Variants in ANKRD11 observed in about 807,000 individuals in gnomAD.
The protein encoded by ANKRD11 is ankyrin repeat domain-containing protein 11.
In ANKRD11, 17 loss-of-function variants were observed where a neutral mutation model predicts 195.7. The ratio of observed to expected loss-of-function variants is 0.09; its 90% CI spans 0.06 to 0.13. The LOEUF (loss-of-function observed/expected upper bound fraction) is 0.13. Among genes scored for constraint, ANKRD11 ranks in the 10% least tolerant of loss-of-function variants. The probability of loss-of-function intolerance (pLI) is 1.00; values close to 1 mark genes in which losing one functional copy is unlikely to be tolerated. For missense variants in ANKRD11, 3,735 were observed against 3,566.1 expected, an observed-to-expected ratio of 1.05 and a Z score of -1.21; for synonymous variants, 1,953 against 1,528.1, an observed-to-expected ratio of 1.28 and a Z score of -6.49.
intron 1 of ANKRD11, among the ~76,000 whole-genome samples, chr16:89,478,202 A>C (rs1276374847): frequency 6.6e-6 from 1 of 152,194 alleles, no homozygotes; most frequent in East Asian, 1.9e-4. Flanking sequence ...CAGCACACAC[A>C]GGCCTCTGGG....
At chr16:89,406,525 C>T (rs1013504315) in intron 2 of ANKRD11, among the ~76,000 whole-genome samples, 1 of 152,148 alleles carries the variant, frequency 6.6e-6, no homozygotes, top group African/African-American at 2.4e-5. Flanking sequence ...GGTGTCAGCA[C>T]GCAGACACAC....
intron 1 of ANKRD11, among the ~76,000 whole-genome samples, chr16:89,480,969 G>A (rs558920416): frequency 3.9e-5 from 6 of 152,198 alleles, no homozygotes; most frequent in African/African-American, 1.4e-4. Context: ...TCTGTCAAAT[G>A]TCCCCAGGGC....
intron 1 of ANKRD11, among the ~76,000 whole-genome samples, chr16:89,450,570 C>T (rs748789310): frequency 2.6e-5 from 4 of 152,148 alleles, no homozygotes; most frequent in Non-Finnish European, 5.9e-5. Flanking sequence ...GCTGACAATC[C>T]CAAGCTCTAA....
intron 3 of ANKRD11, among the ~76,000 whole-genome samples, chr16:89,305,791 C>A (rs1262216207): frequency 7.1e-6 from 1 of 140,662 alleles, no homozygotes; most frequent in Non-Finnish European, 1.6e-5. Flanking sequence ...CGCAGACACG[C>A]GCCACCTCCC....
intron 2 of ANKRD11, among the ~76,000 whole-genome samples, chr16:89,384,651 C>T (rs1452478238): frequency 1.3e-5 from 2 of 152,134 alleles, no homozygotes; most frequent in African/African-American, 2.4e-5. Flanking sequence ...GCACTGACGG[C>T]TTCAAAGGAG....
chr16:89,271,284 C>T, intron 11 of ANKRD11: 2 of 340,774 alleles, frequency 5.9e-6, no homozygotes, highest in South Asian at 4.7e-5. Flanking sequence ...GTTGCCCAGG[C>T]TGGAGTGCAA....
In ANKRD11 at chr16:89,270,927, G is replaced by A. The variant is rs763930951; in HGVS notation, c.7714-18C>T. On this transcript the variant is annotated intron_variant, in intron 11 of 12. Coordinates refer to ENST00000301030, the MANE Select transcript of ANKRD11 (RefSeq NM_013275.6). ...TCGTCACCCTGTGGAAACCAAACACGGGAGTTTCATCAGGAGCCCCAGAGA... is the reference window on the plus strand; with the variant it reads ...TCGTCACCCTGTGGAAACCAAACACAGGAGTTTCATCAGGAGCCCCAGAGA... The A allele has an allele frequency of 2.0e-5, 33 of 1,613,180 alleles. No homozygotes were observed. The highest frequency in any genetic ancestry group is 7.7e-5 in the South Asian group (7 of 91,026).
intron 2 of ANKRD11, among the ~76,000 whole-genome samples, chr16:89,337,878 A>G (rs984697267): frequency 9.9e-5 from 15 of 152,160 alleles, no homozygotes; most frequent in African/African-American, 3.1e-4. Flanking sequence ...TGTGGTCTTC[A>G]GTCTACTGTG....
chr16:89,464,435 C>T lies in ANKRD11; in HGVS notation c.-145+25810G>A, dbSNP rs1482816255. ...CAGCCAGGCCAACATGGTGAAACCT[C>T]ATCTCTACTAAAAATACAAAAAATT... On this transcript the variant is annotated intron_variant, in intron 1 of 12. Transcript: ENST00000301030. Among the ~76,000 whole-genome samples, 6 of 151,584 alleles carry T rather than the reference C, an allele frequency of 4.0e-5. No individual in the cohort carries two copies. In the East Asian group the frequency reaches 1.2e-3, roughly 29 times the overall value.
intron 3 of ANKRD11, among the ~76,000 whole-genome samples, chr16:89,305,577 A>G (rs565208748): frequency 2.6e-5 from 4 of 152,130 alleles, no homozygotes; most frequent in East Asian, 1.9e-4. Flanking sequence ...CATCCTGCGC[A>G]CCGGAGGGAC....
At chr16:89,293,586 TGG>T (rs2035213911) in intron 4 of ANKRD11, among the ~76,000 whole-genome samples, 2 of 102,732 alleles carry the variant, frequency 1.9e-5, no homozygotes, top group East Asian at 8.8e-4. Flanking sequence ...AGGGAGGAGC[TGG>T]GGCAGAGTTG....
chr16:89,287,040 C>A, intron 7 of ANKRD11: 1 of 1,289,724 alleles, frequency 7.8e-7, no homozygotes, highest in Non-Finnish European at 1.0e-6. Context: ...CACAAAACCT[C>A]AGGCTTACAA....
intron 2 of ANKRD11, among the ~76,000 whole-genome samples, chr16:89,336,840 T>G (rs1486394041): frequency 6.6e-6 from 1 of 151,962 alleles, no homozygotes; most frequent in African/African-American, 2.4e-5. Flanking sequence ...AGAAAACAAC[T>G]GCAGGCCGGG....
At chr16:89,432,844 C>T (rs1028468116) in intron 1 of ANKRD11, among the ~76,000 whole-genome samples, 3 of 152,044 alleles carry the variant, frequency 2.0e-5, no homozygotes, top group African/African-American at 7.2e-5. Context: ...AGTAGAATCA[C>T]TTGAGTCTCT....
intron 11 of ANKRD11, among the ~76,000 whole-genome samples, chr16:89,273,540 T>C (rs2033366783): frequency 6.6e-6 from 1 of 151,656 alleles, no homozygotes; most frequent in Non-Finnish European, 1.5e-5. Flanking sequence ...CCACTAAAAA[T>C]ACAAAAATCA....
rs144364610 is a variant in ANKRD11 at position 89,305,260 on chromosome 16, G to T, written c.172C>A (p.Arg58=). Residue 58 remains arginine (R), a synonymous_variant, in exon 4 of 13, where the codon CGG becomes AGG. Transcript: ENST00000301030. The part of the protein sequence containing the change: ...GKEVRERASK[R]KLPFTAGANG... ...GCGCCCGCGGTGAAGGGCAGCTTCCGCTTGCTGGCTCGCTCCCTCACCTCC... is the reference window on the plus strand; with the variant it reads ...GCGCCCGCGGTGAAGGGCAGCTTCCTCTTGCTGGCTCGCTCCCTCACCTCC... 1.6e-4 allele frequency: 261 copies of T among 1,613,906 alleles called. No individual in the cohort carries two copies. The African/African-American group carries it at 2.6e-3, about 16-fold the overall frequency.
At chr16:89,482,709 T>C (rs1158832055) in intron 1 of ANKRD11, among the ~76,000 whole-genome samples, 1 of 152,338 alleles carries the variant, frequency 6.6e-6, no homozygotes, top group Admixed American at 6.5e-5. Flanking sequence ...GGAGGATTGA[T>C]TGAGCCCAGG....
chr16:89,369,934 ACACGGGGGGCCCAGCC>A (rs1324571746), intron 2 of ANKRD11, among the ~76,000 whole-genome samples: 2 of 152,168 alleles, frequency 1.3e-5, no homozygotes, highest in Admixed American at 6.5e-5. Flanking sequence ...CAAAAACCAA[ACACGGGGGGCCCAGCC>A]CACCTCAAAC....
chr16:89,479,416 T>A (rs1236928555), intron 1 of ANKRD11, among the ~76,000 whole-genome samples: 2 of 149,046 alleles, frequency 1.3e-5, no homozygotes, highest in African/African-American at 5.0e-5. Flanking sequence ...GCGGATCATC[T>A]GAGGTCGGGA....
Sources: allele counts gnomAD v4.1 joint callset (sites outside exome capture counted in the v4.1 genomes callset), GRCh38; gene constraint gnomAD v4.1.1; transcripts MANE v1.5; gene names NCBI Gene and HGNC (gene_info 2026-07-23, HGNC 2026-07-21).